The following TCF20 variants were observed in gnomAD, a reference collection of about 807,000 sequenced individuals.
TCF20 encodes transcription factor 20, also known as SPRE-binding protein.
Under a neutral mutation model 148.6 loss-of-function variants are expected in TCF20, and 3 were observed. The observed-to-expected ratio is 0.02, with a 90% CI of 0.01 to 0.05. TCF20 has a LOEUF of 0.05. Ranked by LOEUF, TCF20 falls within the 10% of genes least tolerant of loss-of-function variation. TCF20 has a pLI of 1.00. For synonymous variants in TCF20, 1,049 were observed against 909.5 expected (o/e 1.15, Z -2.76); for missense variants, 2,350 against 2,429.3 (o/e 0.97, Z 0.69).
At chr22:42,190,265 C>T (rs1378059750) in intron 2 of TCF20, among the ~76,000 whole-genome samples, 4 of 151,890 alleles carry the variant, frequency 2.6e-5, no homozygotes, top group Non-Finnish European at 5.9e-5. Flanking sequence ...TCAAGATTAG[C>T]CTGGGCAACA....
At position 42,254,959 on chromosome 22, in the gene TCF20, C is replaced by CAAAAAAAAAAAAAAAAAAAAA. The variant is rs10625678; in HGVS notation, c.-37+15379_-37+15380insTTTTTTTTTTTTTTTTTTTTT. Among the ~76,000 whole-genome samples the CAAAAAAAAAAAAAAAAAAAAA allele has an allele frequency of 2.4e-4, 15 of 62,810 alleles. 1 individual carries two copies. The highest frequency in any genetic ancestry group is 1.2e-3 in the African/African-American group (13 of 10,456). The allele number at this position is 62,810 out of a possible 152,430, so 41.2% of individuals were successfully genotyped here. A position where few individuals can be genotyped will look rare whatever the true frequency, so the allele number is the denominator to read the frequency against. Reference sequence around the variant, plus strand: ...TGGGTGACACAGCAAGACTCCGTCTCAAAAAAAAAAAAAAAAAAAAGGTAG... The same window carrying CAAAAAAAAAAAAAAAAAAAAA: ...TGGGTGACACAGCAAGACTCCGTCTCAAAAAAAAAAAAAAAAAAAAAAAAAAAAAAAAAAAAAAAAAGGTAG... On this transcript the variant is annotated intron_variant, in intron 1 of 5. Coordinates refer to ENST00000677622, the MANE Select transcript of TCF20 (RefSeq NM_001378418.1).
intron 3 of TCF20, among the ~76,000 whole-genome samples, chr22:42,178,594 T>C (rs2147090202): frequency 6.9e-6 from 1 of 144,000 alleles, no homozygotes; most frequent in African/African-American, 2.6e-5. Context: ...TCTTTTTTTT[T>C]TTTTTTTTTT....
At position 42,214,120 on chromosome 22, in the gene TCF20, G is replaced by T. The variant is rs370003646; in HGVS notation, c.1186C>A (p.Leu396Ile). 1.0e-4 allele frequency: 163 copies of T among 1,614,222 alleles called. No individual in the cohort carries two copies. In the East Asian group the frequency reaches 3.4e-3, roughly 33 times the overall value. ...PSPLMQTGENLQCGQGSVPMG... is the reference protein window; with the variant it reads ...PSPLMQTGENIQCGQGSVPMG... ...GGCACACTGCCTTGCCCACACTGGA[G>T]ATTCTCCCCAGTCTGCATGAGAGGA... The change falls in exon 2 of 6, where the codon CTC becomes ATC. Residue 396 changes from leucine (L) to isoleucine (I), a missense_variant. By Grantham distance (5) the Leu-to-Ile change is conservative (BLOSUM62 2). Transcript: ENST00000677622.
At chr22:42,313,448 C>T (rs540987579) in intron 1 of TCF20, among the ~76,000 whole-genome samples, 70 of 152,272 alleles carry the variant, frequency 4.6e-4, no homozygotes, top group Non-Finnish European at 8.2e-4. Context: ...CTTCACATTG[C>T]TTCCTGCCTC....
rs1349893616 is a variant in TCF20 at position 42,255,518 on chromosome 22, CAACAACAACAAA to C, written c.-37+14809_-37+14820del. Among the ~76,000 whole-genome samples, 11 of 149,934 alleles carry C rather than the reference CAACAACAACAAA, an allele frequency of 7.3e-5. 1 individual carries two copies. Among genetic ancestry groups the C allele is most frequent in the South Asian group, 4.2e-4 (2 of 4,800 alleles). ...ACAACAACAACAACAACAACAACAACAACAACAACAAAACCACATTATTTATTGTTATAAATG... is the reference window on the plus strand; with the variant it reads ...ACAACAACAACAACAACAACAACAACACCACATTATTTATTGTTATAAATG... On this transcript the variant is annotated intron_variant, in intron 1 of 5. Coordinates refer to ENST00000677622, the MANE Select transcript of TCF20 (RefSeq NM_001378418.1).
chr22:42,219,810 C>T (rs762831641), intron 1 of TCF20, among the ~76,000 whole-genome samples: 6 of 152,124 alleles, frequency 3.9e-5, no homozygotes, highest in African/African-American at 7.2e-5. Context: ...GAGCAGAGAT[C>T]GCGCCACTGC....
chr22:42,186,064 T>C (rs1183615293), intron 2 of TCF20, among the ~76,000 whole-genome samples: 1 of 152,268 alleles, frequency 6.6e-6, no homozygotes, highest in Non-Finnish European at 1.5e-5. Flanking sequence ...ACTGAATCCA[T>C]TAAATACACA....
chr22:42,267,405 A>G (rs947991964), intron 1 of TCF20, among the ~76,000 whole-genome samples: 1 of 151,744 alleles, frequency 6.6e-6, no homozygotes, highest in South Asian at 2.1e-4. Context: ...TGGCTATATA[A>G]AAGTGTCTAC....
intron 1 of TCF20, among the ~76,000 whole-genome samples, chr22:42,230,340 G>A (rs1923288957): frequency 6.6e-6 from 1 of 152,184 alleles, no homozygotes; most frequent in Admixed American, 6.5e-5. Flanking sequence ...TCATGCAAGT[G>A]TAAACCTAAT....
intron 1 of TCF20, among the ~76,000 whole-genome samples, chr22:42,291,070 C>T (rs993996605): frequency 1.4e-4 from 22 of 152,174 alleles, no homozygotes; most frequent in Non-Finnish European, 4.4e-5. Flanking sequence ...CTCCTCTGGA[C>T]AGTGGAGCCT....
chr22:42,242,481 T>C lies in TCF20; in HGVS notation c.-36-27140A>G, dbSNP rs191672561. 1.4e-4 allele frequency among the ~76,000 whole-genome samples: 22 copies of C among 152,236 alleles called. No homozygotes were observed. In the East Asian group the frequency reaches 3.3e-3, roughly 23 times the overall value. ...TACCACCACAATTAAATATCTATTG[T>C]GGTCATATTAGGGGTTATCATAGGG... is the stretch of plus-strand genomic sequence containing the variant. On this transcript the variant is annotated intron_variant, in intron 1 of 5. Coordinates refer to ENST00000677622, the MANE Select transcript of TCF20 (RefSeq NM_001378418.1).
chr22:42,205,559 A>G (rs1487418064), intron 2 of TCF20, among the ~76,000 whole-genome samples: 1 of 152,258 alleles, frequency 6.6e-6, no homozygotes, highest in Non-Finnish European at 1.5e-5. Context: ...GAATGCATCT[A>G]TCTGCTAAAA....
intron 2 of TCF20, among the ~76,000 whole-genome samples, chr22:42,197,810 GAAC>G (rs1257334647): frequency 1.3e-5 from 2 of 151,906 alleles, no homozygotes; most frequent in Admixed American, 1.3e-4. Flanking sequence ...AATTAACAGG[GAAC>G]AACATTAATA....
intron 1 of TCF20, among the ~76,000 whole-genome samples, chr22:42,264,980 A>G (rs1211964401): frequency 6.6e-6 from 1 of 152,258 alleles, no homozygotes; most frequent in Non-Finnish European, 1.5e-5. Flanking sequence ...AGAACAGCTT[A>G]CATATGCATA....
rs773070049 is a variant in TCF20, at chr22:42,214,030, G to T, written c.1276C>A (p.Pro426Thr). ...CCTGCAGCATGAGAATTAGGACTGG[G>T]CATCATTGATGGGGTTGGACTGAGT... ...PQLSPTPSMM[P>T]SPNSHAAGFK... The change falls in exon 2 of 6, where the codon CCC becomes ACC. Residue 426 changes from proline to threonine, a missense_variant. This residue lies in a region of TCF20 where 1,641 missense variants were observed against 1,662.6 expected (regional missense o/e 0.99). Transcript: ENST00000677622. 1.2e-6 allele frequency: 2 copies of T among 1,614,166 alleles called. No homozygotes were observed. Among genetic ancestry groups the T allele is most frequent in the South Asian group, 1.1e-5 (1 of 91,092 alleles).
intron 5 of TCF20, among the ~76,000 whole-genome samples, chr22:42,165,787 A>G (rs1601505639): frequency 6.6e-6 from 1 of 152,258 alleles, no homozygotes; most frequent in African/African-American, 2.4e-5. Flanking sequence ...ACATTTCCCA[A>G]TGGAATCTCA....
chr22:42,196,618 TA>T (rs1937610268), intron 2 of TCF20, among the ~76,000 whole-genome samples: 1 of 152,198 alleles, frequency 6.6e-6, no homozygotes, highest in Admixed American at 6.5e-5. Flanking sequence ...GTGTCTGAAC[TA>T]AGATTTAAGG....
intron 2 of TCF20, among the ~76,000 whole-genome samples, chr22:42,182,250 A>AAC (rs1438064625): frequency 6.6e-6 from 1 of 152,174 alleles, no homozygotes; most frequent in Non-Finnish European, 1.5e-5. Flanking sequence ...CCAAACTCCT[A>AAC]ACCTCTGTTC....
intron 1 of TCF20, among the ~76,000 whole-genome samples, chr22:42,310,417 G>A (rs1927512312): frequency 6.9e-6 from 1 of 144,312 alleles, no homozygotes; most frequent in South Asian, 2.5e-4. Flanking sequence ...ATAACCCATT[G>A]ATGCCAGCTC....
Sources: allele counts gnomAD v4.1 joint callset (sites outside exome capture counted in the v4.1 genomes callset), GRCh38; gene constraint gnomAD v4.1.1; regional missense constraint gnomAD v4.1.1; transcripts MANE v1.5; gene names NCBI Gene and HGNC (gene_info 2026-07-23, HGNC 2026-07-21).